Variants in RGS7 observed in about 807,000 individuals in gnomAD.
The protein encoded by RGS7 is regulator of G protein signaling 7.
A neutral mutation model predicts 81.1 loss-of-function variants in RGS7; 27 were observed. That is an observed-to-expected ratio of 0.33 (90% CI 0.25 to 0.46). The LOEUF (loss-of-function observed/expected upper bound fraction) is 0.46, where lower values mean the gene tolerates loss of function less well. Among genes scored for constraint, RGS7 ranks in the 20% least tolerant of loss-of-function variants. The probability of loss-of-function intolerance (pLI) is 1.00; values close to 1 mark genes in which losing one functional copy is unlikely to be tolerated. For synonymous variants in RGS7, 208 were observed against 207.7 expected, an observed-to-expected ratio of 1.00 and a Z score of -0.01; for missense variants, 396 against 607.4, an observed-to-expected ratio of 0.65 and a Z score of 3.66.
At chr1:241,007,440 A>G (rs1021814971) in intron 3 of RGS7, among the ~76,000 whole-genome samples, 2 of 152,170 alleles carry the variant, frequency 1.3e-5, no homozygotes, top group African/African-American at 2.4e-5. Context: ...ACAATAGGTC[A>G]TTAGTAGTTA....
chr1:241,296,164 G>A (rs1235758797), intron 2 of RGS7, among the ~76,000 whole-genome samples: 1 of 152,130 alleles, frequency 6.6e-6, no homozygotes, highest in Non-Finnish European at 1.5e-5. Context: ...AGGAAAGGAA[G>A]AGCAGGAGAG....
chr1:240,854,162 A>G (rs1660655286), intron 9 of RGS7, among the ~76,000 whole-genome samples: 1 of 152,168 alleles, frequency 6.6e-6, no homozygotes, highest in African/African-American at 2.4e-5. Flanking sequence ...CTTAAATACC[A>G]CATCACTGGC....
intron 2 of RGS7, among the ~76,000 whole-genome samples, chr1:241,136,729 C>G (rs2103065748): frequency 6.6e-6 from 1 of 152,124 alleles, no homozygotes; most frequent in African/African-American, 2.4e-5. Context: ...TGGACACTGC[C>G]TTAGTTCAGC....
intron 4 of RGS7, among the ~76,000 whole-genome samples, chr1:240,959,638 A>G (rs1681024432): frequency 6.6e-6 from 1 of 152,194 alleles, no homozygotes; most frequent in South Asian, 2.1e-4. Context: ...ATATGACTAT[A>G]TATAATTTTT....
chr1:241,250,895 A>T (rs2076796798), intron 2 of RGS7, among the ~76,000 whole-genome samples: 1 of 152,172 alleles, frequency 6.6e-6, no homozygotes, highest in Non-Finnish European at 1.5e-5. Context: ...TGTATTTGTT[A>T]TTTATGTGTT....
At chr1:241,208,752 C>T (rs1314674931) in intron 2 of RGS7, among the ~76,000 whole-genome samples, 1 of 152,078 alleles carries the variant, frequency 6.6e-6, no homozygotes, top group Non-Finnish European at 1.5e-5. Context: ...TCCAATTTGC[C>T]GACGTGGTCT....
chr1:241,157,836 T>G (rs2069295820), intron 2 of RGS7, among the ~76,000 whole-genome samples: 1 of 149,696 alleles, frequency 6.7e-6, no homozygotes, highest in Non-Finnish European at 1.5e-5. Context: ...TTTTTTTTTT[T>G]GATACTGAGT....
At chr1:240,957,690 G>A (rs943037662) in intron 4 of RGS7, among the ~76,000 whole-genome samples, 12 of 152,158 alleles carry the variant, frequency 7.9e-5, no homozygotes, top group African/African-American at 2.9e-4. Context: ...ATATTAACCA[G>A]TACCAATATT....
In RGS7 at chr1:241,135,088, C is replaced by T. The variant is rs187773896; in HGVS notation, c.79-36326G>A. Among the ~76,000 whole-genome samples the T allele has an allele frequency of 7.6e-4, 116 of 152,260 alleles. 1 individual carries two copies. Among genetic ancestry groups the T allele is most frequent in the Middle Eastern group, 3.4e-3 (1 of 294 alleles). On this transcript the variant is annotated intron_variant, in intron 2 of 18. Transcript: ENST00000440928. ...CTGTCCTGTCCTCATTTGGGGCTGACGCCATTTTAGGCATCAGACCGCCTG... is the reference window on the plus strand; with the variant it reads ...CTGTCCTGTCCTCATTTGGGGCTGATGCCATTTTAGGCATCAGACCGCCTG...
At chr1:241,182,159 G>A (rs548579092) in intron 2 of RGS7, among the ~76,000 whole-genome samples, 3 of 152,212 alleles carry the variant, frequency 2.0e-5, no homozygotes, top group African/African-American at 4.8e-5. Flanking sequence ...GTCCATTCAC[G>A]TCCCTGAACT....
chr1:241,221,889 TTCTC>T (rs113169736), intron 2 of RGS7, among the ~76,000 whole-genome samples: 7 of 150,678 alleles, frequency 4.6e-5, no homozygotes, highest in Admixed American at 1.3e-4. Context: ...TTTCTTTCCT[TTCTC>T]TCTCTCTCTC....
At position 241,320,918 on chromosome 1, in the gene RGS7, C is replaced by A. The variant is rs186090595; in HGVS notation, c.78+34781G>T. On this transcript the variant is annotated intron_variant, in intron 2 of 18. Transcript: ENST00000440928. ...AATACAAAGCTTAATAAAGGCTGCA[C>A]TGGACAATTGCCTAATATCATCAAT... Among the ~76,000 whole-genome samples, 547 of 152,280 alleles carry A rather than the reference C, an allele frequency of 3.6e-3. 2 individuals are homozygous for A. The highest frequency in any genetic ancestry group is 6.4e-3 in the Non-Finnish European group (433 of 68,034).
intron 2 of RGS7, among the ~76,000 whole-genome samples, chr1:241,308,174 G>A (rs2080288776): frequency 6.6e-6 from 1 of 151,922 alleles, no homozygotes; most frequent in African/African-American, 2.4e-5. Context: ...GGAATGAGGG[G>A]GACATTGAGT....
In RGS7 at chr1:241,220,700, C is replaced by T. The variant is rs568461676; in HGVS notation, c.79-121938G>A. Among the ~76,000 whole-genome samples, 4 of 152,092 alleles carry T rather than the reference C, an allele frequency of 2.6e-5. No individual in the cohort carries two copies. In the East Asian group the frequency reaches 5.8e-4, roughly 22 times the overall value. On this transcript the variant is annotated intron_variant, in intron 2 of 18. Transcript: ENST00000440928. ...CATGTAATTATTAGTATTATTAATA[C>T]TTTTGCAATCATATTAATAATTAAG...
intron 3 of RGS7, 70 bp downstream of exon 3, chr1:241,098,596 C>G: frequency 9.9e-7 from 1 of 1,008,350 alleles, no homozygotes; most frequent in Non-Finnish European, 1.6e-6. Context: ...TAGTGAACAG[C>G]TGGAATCAGT....
intron 4 of RGS7, among the ~76,000 whole-genome samples, chr1:240,942,052 A>G (rs925270946): frequency 3.9e-5 from 6 of 152,130 alleles, no homozygotes; most frequent in Admixed American, 3.3e-4. Flanking sequence ...ACAAAAATCA[A>G]TCTCCAAACA....
At chr1:241,029,056 G>A (rs533731669) in intron 3 of RGS7, among the ~76,000 whole-genome samples, 36 of 152,266 alleles carry the variant, frequency 2.4e-4, no homozygotes, top group African/African-American at 8.4e-4. Context: ...TTGAAGAGGC[G>A]AAAATCAAAG....
At chr1:241,356,329 C>A (rs1249479045) in intron 1 of RGS7, among the ~76,000 whole-genome samples, 1 of 152,144 alleles carries the variant, frequency 6.6e-6, no homozygotes, top group African/African-American at 2.4e-5. Flanking sequence ...TTCTCCAGCG[C>A]ACGGGCTTCC....
intron 4 of RGS7, among the ~76,000 whole-genome samples, chr1:240,980,429 A>G (rs1314149424): frequency 6.6e-6 from 1 of 152,128 alleles, no homozygotes; most frequent in Admixed American, 6.6e-5. Context: ...ATCCCTAGAG[A>G]TCTTCAAACG....
Sources: gnomAD v4.1 joint callset for allele counts (sites outside exome capture counted in the v4.1 genomes callset) on GRCh38, gnomAD v4.1.1 for gene constraint, MANE v1.5 for transcripts, NCBI Gene and HGNC (gene_info 2026-07-23, HGNC 2026-07-21) for gene names.